The following TENM1 variants were observed in gnomAD, a reference collection of about 807,000 sequenced individuals.
TENM1 encodes teneurin transmembrane protein 1, also known as teneurin-1.
A neutral mutation model predicts 174.8 loss-of-function variants in TENM1; 35 were observed. The observed-to-expected ratio is 0.20, with a 90% CI of 0.15 to 0.27. The LOEUF (loss-of-function observed/expected upper bound fraction) is 0.27, where lower values mean the gene tolerates loss of function less well. TENM1 is among the 10% of genes least tolerant of loss of function. The pLI is 1.00. For missense variants in TENM1, 1,633 were observed against 2,130.1 expected (o/e 0.77, Z 4.59); for synonymous variants, 781 against 798.7 (o/e 0.98, Z 0.37).
chrX:124,955,621 C>A (rs1430134073), intron 1 of TENM1, among the ~76,000 whole-genome samples: 1 of 110,984 alleles, frequency 9.0e-6, no homozygotes, highest in Non-Finnish European at 1.9e-5. Context: ...CTGGTCATCT[C>A]TTTTACTCCC....
intron 23 of TENM1, among the ~76,000 whole-genome samples, chrX:124,440,507 T>G (rs1056281587): frequency 1.8e-5 from 2 of 111,821 alleles, no homozygotes; most frequent in Admixed American, 1.9e-4. Flanking sequence ...AATTCTAGTG[T>G]CAGTTTTTAC....
At chrX:124,641,308 A>C (rs1334582794) in intron 11 of TENM1, among the ~76,000 whole-genome samples, 1 of 112,057 alleles carries the variant, frequency 8.9e-6, no homozygotes, top group African/African-American at 3.2e-5. Context: ...AGAAGATGCT[A>C]GAGTAGGGAA....
intron 3 of TENM1, among the ~76,000 whole-genome samples, chrX:124,817,547 G>A (rs990064289): frequency 6.3e-5 from 7 of 111,616 alleles, no homozygotes; most frequent in Non-Finnish European, 1.3e-4. Context: ...TTATTCAATC[G>A]CCATAGGAAA....
At position 124,681,007 on chromosome X, in the gene TENM1, C is replaced by T. The variant is rs780093726; in HGVS notation, c.1016-9172G>A. ...CTATCTCTTCCTCTTACCCATTTGA[C>T]CTGTATATTATTTAAATTTTTAAAA... is the stretch of plus-strand genomic sequence containing the variant. On this transcript the variant is annotated intron_variant, in intron 5 of 31. Transcript: ENST00000422452. Among the ~76,000 whole-genome samples, 7 of 111,377 alleles carry T rather than the reference C, an allele frequency of 6.3e-5. No individual in the cohort carries two copies. In the South Asian group the frequency reaches 2.6e-3, roughly 41 times the overall value.
the TENM1 span, among the ~76,000 whole-genome samples, chrX:125,104,333 T>C: frequency 8.9e-6 from 1 of 112,191 alleles, no homozygotes; most frequent in Non-Finnish European, 1.9e-5. Context: ...TCTGTAAATA[T>C]GAGTTCAATT....
chrX:125,147,857 T>C, the TENM1 span, among the ~76,000 whole-genome samples: 22 of 111,792 alleles, frequency 2.0e-4, no homozygotes, highest in African/African-American at 7.2e-4. Flanking sequence ...ACAAGTTGGT[T>C]CTCAAAAAAC....
intron 3 of TENM1, among the ~76,000 whole-genome samples, chrX:124,834,161 A>G (rs765976817): frequency 1.2e-3 from 138 of 111,525 alleles, no homozygotes; most frequent in African/African-American, 4.1e-3. Flanking sequence ...TCCATAGTGT[A>G]TTTTATGTTA....
intron 11 of TENM1, among the ~76,000 whole-genome samples, chrX:124,627,459 T>C (rs1182055673): frequency 9.0e-6 from 1 of 111,587 alleles, no homozygotes; most frequent in African/African-American, 3.3e-5. Flanking sequence ...CGTGGGAAAA[T>C]GTGAATTTGG....
At position 124,481,788 on chromosome X, in the gene TENM1, T is replaced by C. The variant is rs372060238; in HGVS notation, c.3893A>G (p.Gln1298Arg). 1.7e-5 allele frequency: 21 copies of C among 1,200,620 alleles called. No homozygotes were observed. The highest frequency in any genetic ancestry group is 1.1e-6 in the Non-Finnish European group (1 of 889,818). Residue 1298 changes from glutamine to arginine, a missense_variant, in exon 22 of 32, where the codon CAG (glutamine) becomes CGG (arginine). Coordinates refer to ENST00000422452, the Ensembl canonical transcript of TENM1. ...TCTCCCACCATCTCCACAATGACTC[T>C]GGTCAAAGGGAAGGCACTGATCACC...
chrX:125,090,689 T>C, the TENM1 span, among the ~76,000 whole-genome samples: 1 of 111,022 alleles, frequency 9.0e-6, no homozygotes, highest in African/African-American at 3.3e-5. Flanking sequence ...CATGAAAATA[T>C]GTAGGACTTA....
At chrX:124,939,024 T>TA (rs1223993480) in intron 1 of TENM1, among the ~76,000 whole-genome samples, 5 of 111,473 alleles carry the variant, frequency 4.5e-5, no homozygotes, top group Non-Finnish European at 1.9e-5. Flanking sequence ...GGCGGGGAGA[T>TA]AGAGTATTTT....
chrX:124,491,127 T>C (rs758993691), intron 20 of TENM1, among the ~76,000 whole-genome samples: 1 of 112,261 alleles, frequency 8.9e-6, no homozygotes, highest in South Asian at 3.7e-4. Context: ...TTGCCACTAC[T>C]GAGTGAATTT....
At chrX:124,432,824 T>C (rs1278935880) in intron 23 of TENM1, among the ~76,000 whole-genome samples, 2 of 111,944 alleles carry the variant, frequency 1.8e-5, no homozygotes, top group Admixed American at 1.9e-4. Flanking sequence ...CAGGCAATAA[T>C]ATGTAAGAGG....
At chrX:124,394,724 C>T (rs1423657980) in intron 27 of TENM1, among the ~76,000 whole-genome samples, 1 of 112,370 alleles carries the variant, frequency 8.9e-6, no homozygotes, top group Non-Finnish European at 1.9e-5. Flanking sequence ...ACTTTTTTGG[C>T]ATAATCTCTG....
chrX:124,821,200 C>T (rs1477363381), intron 3 of TENM1, among the ~76,000 whole-genome samples: 1 of 112,142 alleles, frequency 8.9e-6, no homozygotes, highest in Non-Finnish European at 1.9e-5. Context: ...ATTAGCATTG[C>T]AATTAAGATT....
chrX:125,108,134 C>G, the TENM1 span, among the ~76,000 whole-genome samples: 1 of 111,920 alleles, frequency 8.9e-6, no homozygotes, highest in Non-Finnish European at 1.9e-5. Context: ...ACCCTCCATA[C>G]TCCATGCCTC....
chrX:125,185,230 A>G, the TENM1 span, among the ~76,000 whole-genome samples: 1 of 112,425 alleles, frequency 8.9e-6, no homozygotes, highest in Non-Finnish European at 1.9e-5. Flanking sequence ...TCTAAATGGA[A>G]TTATCTGTTC....
At chrX:124,897,092 C>T (rs2057575270) in intron 1 of TENM1, among the ~76,000 whole-genome samples, 1 of 111,646 alleles carries the variant, frequency 9.0e-6, no homozygotes, top group Non-Finnish European at 1.9e-5. Context: ...TTTCCTAAAA[C>T]ACCCATGTAG....
the TENM1 span, among the ~76,000 whole-genome samples, chrX:124,978,009 AG>A: frequency 2.2e-4 from 19 of 86,739 alleles, no homozygotes; most frequent in African/African-American, 8.4e-4. Flanking sequence ...AGAGAGAGAG[AG>A]AGAGAGAGAG....
Sources: gnomAD v4.1 joint callset for allele counts (sites outside exome capture counted in the v4.1 genomes callset) on GRCh38, gnomAD v4.1.1 for gene constraint, MANE v1.5 for transcripts, NCBI Gene and HGNC (gene_info 2026-07-23, HGNC 2026-07-21) for gene names.